Variants in SPAG16 observed in about 807,000 individuals in gnomAD.
SPAG16 encodes the protein sperm associated antigen 16, also known as sperm-associated antigen 16 protein.
A neutral mutation model predicts 80.4 loss-of-function variants in SPAG16; 86 were observed. That is an observed-to-expected ratio of 1.07 (90% CI 0.90 to 1.28). The LOEUF (loss-of-function observed/expected upper bound fraction) is 1.28. Among genes scored for constraint, SPAG16 ranks in the 50% most tolerant of loss-of-function variants. The pLI, the probability that SPAG16 is intolerant of heterozygous loss-of-function variation, is 0.00. For synonymous variants in SPAG16, 294 were observed against 265.9 expected (o/e 1.11, Z -1.03); for missense variants, 870 against 765.3 (o/e 1.14, Z -1.61).
Position 213,296,095 on chromosome 2 carries a change from CTA to C in SPAG16, c.170_171del (p.Tyr57Ter), listed in dbSNP as rs2062486199. The C allele has an allele frequency of 3.1e-6, 5 of 1,607,478 alleles. No individual in the cohort carries two copies. In the South Asian group the frequency reaches 3.3e-5, roughly 11 times the overall value. ...VTITEASEDDYEYEEIPDDNF... is the reference protein window; with the variant it reads ...VTITEASEDDXEYEEIPDDNF... ...CCATAACTGAAGCATCTGAAGATGA[CTA>C]TGAATATGAAGAGGTAACATGTTAA... On this transcript the variant is annotated frameshift_variant, in exon 2 of 16. Coordinates refer to ENST00000331683, the MANE Select transcript of SPAG16 (RefSeq NM_024532.5). LOFTEE classifies it high-confidence loss of function.
intron 13 of SPAG16, among the ~76,000 whole-genome samples, chr2:214,046,173 G>T (rs970027781): frequency 6.6e-6 from 1 of 151,878 alleles, no homozygotes; most frequent in Non-Finnish European, 1.5e-5. Flanking sequence ...AACCTAAACA[G>T]ACCAATAACA....
chr2:214,358,824 C>A (rs534983572), intron 15 of SPAG16, among the ~76,000 whole-genome samples: 54 of 151,922 alleles, frequency 3.6e-4, no homozygotes, highest in African/African-American at 1.3e-3. Context: ...ATCATTTGTT[C>A]CTATGTTTGG....
intron 10 of SPAG16, among the ~76,000 whole-genome samples, chr2:213,660,334 A>G (rs1386773610): frequency 2.6e-5 from 4 of 151,646 alleles, no homozygotes; most frequent in East Asian, 1.9e-4. Flanking sequence ...CCGTGGCGCA[A>G]TCTCAGCTCA....
At chr2:214,319,688 GA>G (rs1346326273) in intron 15 of SPAG16, among the ~76,000 whole-genome samples, 1 of 151,996 alleles carries the variant, frequency 6.6e-6, no homozygotes, top group Admixed American at 6.6e-5. Context: ...TTTTCTTGAA[GA>G]AAAAGATGGC....
intron 10 of SPAG16, among the ~76,000 whole-genome samples, chr2:213,550,398 CCTTAT>C (rs1350709252): frequency 6.6e-6 from 1 of 151,932 alleles, no homozygotes; most frequent in Non-Finnish European, 1.5e-5. Flanking sequence ...AAATATTTCT[CCTTAT>C]CTTAGGATTT....
chr2:214,150,941 C>G (rs1355106823), intron 15 of SPAG16, among the ~76,000 whole-genome samples: 1 of 151,978 alleles, frequency 6.6e-6, no homozygotes, highest in Non-Finnish European at 1.5e-5. Flanking sequence ...CTGATATATA[C>G]TTGGTGATAC....
At chr2:213,721,757 T>C (rs577737374) in intron 10 of SPAG16, among the ~76,000 whole-genome samples, 4 of 151,992 alleles carry the variant, frequency 2.6e-5, no homozygotes, top group Non-Finnish European at 4.4e-5. Flanking sequence ...AGATTACTAA[T>C]TACCATAATG....
intron 12 of SPAG16, among the ~76,000 whole-genome samples, chr2:213,997,636 A>G (rs560134819): frequency 1.3e-5 from 2 of 152,318 alleles, no homozygotes; most frequent in Admixed American, 6.5e-5. Flanking sequence ...TTTTGCTGAC[A>G]TTTTAAAGAA....
At chr2:213,541,417 G>C (rs1453843432) in intron 10 of SPAG16, among the ~76,000 whole-genome samples, 1 of 152,140 alleles carries the variant, frequency 6.6e-6, no homozygotes, top group East Asian at 1.9e-4. Context: ...TCAGGAGTTT[G>C]AGACCAGCCT....
chr2:213,673,193 C>A (rs557466963), intron 10 of SPAG16, among the ~76,000 whole-genome samples: 1 of 152,200 alleles, frequency 6.6e-6, no homozygotes, highest in Admixed American at 6.5e-5. Flanking sequence ...ACCTCTATAA[C>A]TGTATTTTTC....
chr2:214,208,407 A>G (rs1220821995), intron 15 of SPAG16, among the ~76,000 whole-genome samples: 6 of 152,152 alleles, frequency 3.9e-5, no homozygotes, highest in African/African-American at 1.2e-4. Context: ...CTCTACTTCT[A>G]GTAGTATGGA....
chr2:213,360,017 A>T (rs1032506028), intron 7 of SPAG16, among the ~76,000 whole-genome samples: 2 of 152,302 alleles, frequency 1.3e-5, no homozygotes, highest in East Asian at 1.9e-4. Flanking sequence ...AGAAGTTAGG[A>T]TTTATAAATA....
chr2:213,452,091 C>A (rs1006389820), intron 9 of SPAG16, among the ~76,000 whole-genome samples: 1 of 152,108 alleles, frequency 6.6e-6, no homozygotes, highest in Admixed American at 6.5e-5. Context: ...TTGGTGATTA[C>A]CCAGGACACT....
In SPAG16 at chr2:214,021,102, A is replaced by G. The variant is rs189675504; in HGVS notation, c.1527+7025A>G. Reference sequence around the variant, plus strand: ...CACAAAAAAGGTCAACAAATTAGGAATATTTGTGTTTTGGGGAGAAAAAGC... The same window carrying G: ...CACAAAAAAGGTCAACAAATTAGGAGTATTTGTGTTTTGGGGAGAAAAAGC... On this transcript the variant is annotated intron_variant, in intron 13 of 15. Coordinates refer to ENST00000331683, the MANE Select transcript of SPAG16 (RefSeq NM_024532.5). 6.2e-3 allele frequency among the ~76,000 whole-genome samples: 941 copies of G among 152,306 alleles called. 13 individuals carry two copies. The highest frequency in any genetic ancestry group is 0.012 in the Admixed American group (177 of 15,292).
chr2:213,717,194 G>GCC (rs2066276788), intron 10 of SPAG16, among the ~76,000 whole-genome samples: 1 of 141,942 alleles, frequency 7.0e-6, no homozygotes, highest in African/African-American at 2.7e-5. Flanking sequence ...CTCGTCTGTC[G>GCC]CCCAGGCTGG....
intron 12 of SPAG16, among the ~76,000 whole-genome samples, chr2:213,960,391 G>A (rs1401221688): frequency 6.6e-6 from 1 of 151,016 alleles, no homozygotes; most frequent in Non-Finnish European, 1.5e-5. Flanking sequence ...ATTTCTGTTT[G>A]TTTGTTTTTT....
chr2:213,985,108 C>G (rs1046501292), intron 12 of SPAG16, among the ~76,000 whole-genome samples: 4 of 152,032 alleles, frequency 2.6e-5, no homozygotes, highest in Admixed American at 6.6e-5. Context: ...CAGAATTGTA[C>G]TCTGTCTTAC....
At chr2:213,892,631 C>G (rs2076828565) in intron 11 of SPAG16, among the ~76,000 whole-genome samples, 1 of 152,022 alleles carries the variant, frequency 6.6e-6, no homozygotes, top group African/African-American at 2.4e-5. Flanking sequence ...AAAAATCACA[C>G]AGAAATCGTA....
At position 214,336,684 on chromosome 2, in the gene SPAG16, C is replaced by T. The variant is rs112451532; in HGVS notation, c.1721-73456C>T. ...CTATTCAATATTAGAAATATTGAGC[C>T]GGATAAAGGCTGAGGTGAGAGTTAC... is the stretch of plus-strand genomic sequence containing the variant. On this transcript the variant is annotated intron_variant, in intron 15 of 15. Transcript: ENST00000331683. Among the ~76,000 whole-genome samples the T allele has an allele frequency of 6.7e-4, 101 of 151,700 alleles. 1 individual carries two copies. The Middle Eastern group carries it at 0.01, about 15-fold the overall frequency.
Sources: allele counts gnomAD v4.1 joint callset (sites outside exome capture counted in the v4.1 genomes callset), GRCh38; gene constraint gnomAD v4.1.1; transcripts MANE v1.5; gene names NCBI Gene and HGNC (gene_info 2026-07-23, HGNC 2026-07-21).